SRC: variants seen among roughly 807,000 people sequenced by gnomAD.
SRC encodes the protein proto-oncogene tyrosine-protein kinase Src.
In SRC, 13 loss-of-function variants were observed where a neutral mutation model predicts 62.9. That is an observed-to-expected ratio of 0.21 (90% CI 0.13 to 0.33). The LOEUF (loss-of-function observed/expected upper bound fraction) is 0.33. Among genes scored for constraint, SRC ranks in the 10% least tolerant of loss-of-function variants. SRC has a pLI of 1.00. For synonymous variants in SRC, 302 were observed against 317.5 expected, an observed-to-expected ratio of 0.95 and a Z score of 0.52; for missense variants, 457 against 737.3, an observed-to-expected ratio of 0.62 and a Z score of 4.40.
chr20:37,402,647 G>C lies in SRC; in HGVS notation c.1270+59G>C. The C allele has an allele frequency of 6.3e-7, 1 of 1,575,056 alleles. No homozygotes were observed. Among genetic ancestry groups the C allele is most frequent in the Non-Finnish European group, 8.6e-7 (1 of 1,158,122 alleles). On this transcript the variant is annotated intron_variant, in intron 12 of 13. Transcript: ENST00000373578. The surrounding 1 kb of genome is among the most constrained non-coding windows in gnomAD (Gnocchi z 6.2). ...CCTGGGACAGGTCACGTCCCGCTCT[G>C]AGCCCCAGTTTTTTCCTCAGCTGTC... is the stretch of plus-strand genomic sequence containing the variant.
intron 10 of SRC, among the ~76,000 whole-genome samples, chr20:37,401,290 A>T (rs1179297824): frequency 6.6e-6 from 1 of 152,112 alleles, no homozygotes; most frequent in East Asian, 1.9e-4. Flanking sequence ...GGCAGGAGCC[A>T]CTGCTCCCGG....
Position 37,404,054 on chromosome 20 carries a change from C to T in SRC, c.*675C>T. The T allele has an allele frequency of 4.3e-6, 1 of 234,538 alleles. No individual in the cohort carries two copies. The highest frequency in any genetic ancestry group is 6.0e-5 in the East Asian group (1 of 16,602). The allele number at this position is 234,538 out of a possible 1,614,324, so 14.5% of individuals were successfully genotyped here. A position where few individuals can be genotyped will look rare whatever the true frequency, so the allele number is the denominator to read the frequency against. On this transcript the variant is annotated 3_prime_UTR_variant, in exon 14 of 14. Transcript: ENST00000373578. ...TGCCCCCATTTCACCCATGGGGAGACAGTTGAGAGCGGGGATGTGACATGC... is the reference window on the plus strand; with the variant it reads ...TGCCCCCATTTCACCCATGGGGAGATAGTTGAGAGCGGGGATGTGACATGC...
At position 37,402,829 on chromosome 20, in the gene SRC, TTC is replaced by T; in HGVS notation, c.1352_1353del (p.Phe451TrpfsTer6). 6.2e-7 allele frequency: 1 copy of T among 1,614,078 alleles called. No individual in the cohort carries two copies. Among genetic ancestry groups the T allele is most frequent in the Admixed American group, 1.7e-5 (1 of 60,006 alleles). The stretch of plus-strand genomic sequence containing the variant: ...CACCATCAAGTCGGACGTGTGGTCC[TTC>T]GGGATCCTGCTGACTGAGCTCACCA... ...RFTIKSDVWS[F>X]GILLTELTTK... On this transcript the variant is annotated frameshift_variant, in exon 13 of 14. Transcript: ENST00000373578. LOFTEE classifies it high-confidence loss of function. The surrounding 1 kb of genome is among the most constrained non-coding windows in gnomAD (Gnocchi z 6.2).
intron 2 of SRC, among the ~76,000 whole-genome samples, chr20:37,381,946 C>T (rs2070370790): frequency 6.6e-6 from 1 of 152,172 alleles, no homozygotes; most frequent in African/African-American, 2.4e-5. Context: ...AGGGAGCATG[C>T]AAACCATACC....
chr20:37,349,235 G>A (rs36003615), intron 1 of SRC, among the ~76,000 whole-genome samples: 28,620 of 152,172 alleles, frequency 0.19, 2,974 homozygotes, highest in Middle Eastern at 0.29. Context: ...CAAGAGGAGC[G>A]GGTATTTGAG....
chr20:37,375,061 G>A (rs1014119062), intron 2 of SRC, among the ~76,000 whole-genome samples: 1 of 151,682 alleles, frequency 6.6e-6, no homozygotes, highest in African/African-American at 2.4e-5. Flanking sequence ...CTCTCGAGTA[G>A]CTGGGATTAC....
At chr20:37,376,567 A>G (rs1331275376) in intron 2 of SRC, among the ~76,000 whole-genome samples, 1 of 152,174 alleles carries the variant, frequency 6.6e-6, no homozygotes, top group African/African-American at 2.4e-5. Context: ...GCAATGGCAC[A>G]ATGTCTGCTC....
chr20:37,384,409 TGCGCGGGCGGC>T lies in SRC; in HGVS notation c.250+10_250+20del. The T allele has an allele frequency of 7.3e-7, 1 of 1,364,530 alleles. No homozygotes were observed. The highest frequency in any genetic ancestry group is 3.2e-5 in the East Asian group (1 of 31,532). 84.5% of individuals were successfully genotyped at this position (1,364,530 alleles called of 1,614,324 possible). On this transcript the variant is annotated splice_region_variant and intron_variant, in intron 4 of 13. Coordinates refer to ENST00000373578, the MANE Select transcript of SRC (RefSeq NM_198291.3). This position sits in a 1 kb window ranked among gnomAD's most constrained non-coding sequence, Gnocchi z 6.7. ...GAGGGCGGGCCCGCTGGCCGGTCAG[TGCGCGGGCGGC>T]GCGGGGTCCTCGCCCACCTGGGGCC...
chr20:37,349,736 G>A (rs1007676975), intron 1 of SRC, among the ~76,000 whole-genome samples: 3 of 152,182 alleles, frequency 2.0e-5, no homozygotes, highest in African/African-American at 7.2e-5. Flanking sequence ...GGGCTGGCTC[G>A]GGAGAGGATG....
At chr20:37,374,175 G>A (rs547685167) in intron 2 of SRC, among the ~76,000 whole-genome samples, 2 of 151,584 alleles carry the variant, frequency 1.3e-5, no homozygotes, top group South Asian at 4.2e-4. Flanking sequence ...TGCCTCCCAG[G>A]TTCAAGCGAT....
At chr20:37,362,230 A>AT (rs976455911) in intron 1 of SRC, among the ~76,000 whole-genome samples, 102 of 140,582 alleles carry the variant, frequency 7.3e-4, no homozygotes, top group Admixed American at 1.9e-3. Flanking sequence ...TTTTTTTTCT[A>AT]TTTTTTTTTT....
At position 37,403,124 on chromosome 20, in the gene SRC, A is replaced by G; in HGVS notation, c.1403-47A>G. The G allele has an allele frequency of 6.7e-7, 1 of 1,486,158 alleles. No individual in the cohort carries two copies. 92.1% of individuals were successfully genotyped at this position (1,486,158 alleles called of 1,614,324 possible). On this transcript the variant is annotated intron_variant, in intron 13 of 13. Coordinates refer to ENST00000373578, the MANE Select transcript of SRC (RefSeq NM_198291.3). The surrounding 1 kb of genome is among the most constrained non-coding windows in gnomAD (Gnocchi z 7.1). Reference sequence around the variant, plus strand: ...CCTCCCCATCAGCTTCCCCCACCCCACTTTCCTCACCGGAGCCGGGCTCCC... The same window carrying G: ...CCTCCCCATCAGCTTCCCCCACCCCGCTTTCCTCACCGGAGCCGGGCTCCC...
intron 2 of SRC, among the ~76,000 whole-genome samples, chr20:37,378,949 C>T (rs925177672): frequency 7.4e-6 from 1 of 135,344 alleles, no homozygotes; most frequent in African/African-American, 3.0e-5. Flanking sequence ...AGGTGCTCTG[C>T]GAATACCTGG....
intron 1 of SRC, among the ~76,000 whole-genome samples, chr20:37,363,860 T>A (rs1291823264): frequency 1.3e-5 from 2 of 152,218 alleles, no homozygotes; most frequent in Admixed American, 6.5e-5. Flanking sequence ...GCACGCCATT[T>A]AACCTGTCTG....
chr20:37,366,104 A>T (rs1413684689), intron 2 of SRC, among the ~76,000 whole-genome samples: 1 of 152,126 alleles, frequency 6.6e-6, no homozygotes, highest in Non-Finnish European at 1.5e-5. Context: ...CTTGTTCTAG[A>T]CAATTCCACA....
intron 2 of SRC, among the ~76,000 whole-genome samples, chr20:37,368,968 G>T (rs2070120370): frequency 6.6e-6 from 1 of 152,134 alleles, no homozygotes; most frequent in African/African-American, 2.4e-5. Context: ...CTTCTCCCTT[G>T]AATTGTCTTG....
At chr20:37,370,972 C>A (rs2070153981) in intron 2 of SRC, among the ~76,000 whole-genome samples, 1 of 136,298 alleles carries the variant, frequency 7.3e-6, no homozygotes, top group Non-Finnish European at 1.5e-5. Flanking sequence ...ATTTCTTCTT[C>A]TTCTTCTTCT....
Position 37,405,618 on chromosome 20 carries a change from G to A in SRC, c.*2239G>A, listed in dbSNP as rs1296326281. 6.0e-6 allele frequency: 1 copy of A among 168,056 alleles called. No homozygotes were observed. The highest frequency in any genetic ancestry group is 1.3e-5 in the Non-Finnish European group (1 of 76,928). The allele number at this position is 168,056 out of a possible 1,614,324, so 10.4% of individuals were successfully genotyped here. A position where few individuals can be genotyped will look rare whatever the true frequency, so the allele number is the denominator to read the frequency against. The stretch of plus-strand genomic sequence containing the variant: ...TGAACATCTGCACCTGTGTTAGGGG[G>A]TGAGCACCTGGGAGAAGGACAAGGC... On this transcript the variant is annotated 3_prime_UTR_variant, in exon 14 of 14. Transcript: ENST00000373578.
In SRC at chr20:37,396,034, G is replaced by A; in HGVS notation, c.554-128G>A. On this transcript the variant is annotated intron_variant, in intron 7 of 13. Transcript: ENST00000373578. The surrounding 1 kb of genome is among the most constrained non-coding windows in gnomAD (Gnocchi z 6.1). ...CCCCGGGGCTGGCTGTTGAGAGACA[G>A]GGTGGGCCTGGGGCCCCGCCTGGGC... 1 of 1,349,140 alleles carries A rather than the reference G, an allele frequency of 7.4e-7. No individual in the cohort carries two copies. 83.6% of individuals were successfully genotyped at this position (1,349,140 alleles called of 1,614,324 possible).
Sources: allele counts gnomAD v4.1 joint callset (sites outside exome capture counted in the v4.1 genomes callset), GRCh38; gene constraint gnomAD v4.1.1; non-coding constraint Gnocchi (gnomAD v3.1); transcripts MANE v1.5; gene names NCBI Gene and HGNC (gene_info 2026-07-23, HGNC 2026-07-21).